The following MTM1 variants were observed in gnomAD, a reference collection of about 807,000 sequenced individuals.
MTM1 encodes the protein myotubularin 1, also known as myotubularin.
In MTM1, 9 loss-of-function variants were observed where a neutral mutation model predicts 52.1. The observed-to-expected ratio is 0.17, with a 90% CI of 0.10 to 0.30. The LOEUF (loss-of-function observed/expected upper bound fraction) is 0.30. Among genes scored for constraint, MTM1 ranks in the 10% least tolerant of loss-of-function variants. MTM1 has a pLI of 1.00. For synonymous variants in MTM1, 136 were observed against 163.8 expected (o/e 0.83, Z 1.29); for missense variants, 277 against 470.7 (o/e 0.59, Z 3.81).
intron 14 of MTM1, among the ~76,000 whole-genome samples, chrX:150,670,158 G>A (rs1423206360): frequency 8.9e-6 from 1 of 112,221 alleles, no homozygotes; most frequent in Non-Finnish European, 1.9e-5. Flanking sequence ...AAGATTCACT[G>A]AGCTGAACAT....
chrX:150,579,345 CGCCTGGCCCAA>C (rs1168642469), intron 1 of MTM1, among the ~76,000 whole-genome samples: 1 of 111,450 alleles, frequency 9.0e-6, no homozygotes, highest in African/African-American at 3.3e-5. Context: ...TGAGCCACCA[CGCCTGGCCCAA>C]GCATGCAATA....
chrX:150,650,808 G>C (rs781891106), intron 10 of MTM1, among the ~76,000 whole-genome samples: 40 of 111,542 alleles, frequency 3.6e-4, no homozygotes, highest in African/African-American at 1.3e-3. Context: ...AAAATATCCT[G>C]CTATTCCAAA....
intron 1 of MTM1, among the ~76,000 whole-genome samples, chrX:150,576,921 C>T (rs73620614): frequency 6.3e-5 from 7 of 111,899 alleles, no homozygotes; most frequent in African/African-American, 2.3e-4. Context: ...TTTCATTCAC[C>T]TGCGAGCTGT....
At chrX:150,608,828 TG>T (rs1557412903) in intron 4 of MTM1, among the ~76,000 whole-genome samples, 5,830 of 109,289 alleles carry the variant, frequency 0.053, 160 homozygotes, top group Non-Finnish European at 0.073. Context: ...ATGATGATGA[TG>T]ATTATTATTA....
rs1448251098 is a variant in MTM1, at chrX:150,657,998, T to C, written c.1231T>C (p.Trp411Arg). The change falls in exon 11 of 15, where the codon TGG becomes CGG. Residue 411 changes from tryptophan to arginine, a missense_variant. Trp to Arg is a moderately radical substitution (Grantham distance 101). This residue lies in a region of MTM1 where 59 missense variants were observed against 107.8 expected (regional missense o/e 0.55). Coordinates refer to ENST00000370396, the MANE Select transcript of MTM1 (RefSeq NM_000252.3). ...EGFEILVQKE[W>R]ISFGHKFASR... The stretch of plus-strand genomic sequence containing the variant: ...GTTCGAAATACTGGTACAAAAAGAA[T>C]GGATAAGTTTTGGACATAAATTTGC... 1 of 1,208,638 alleles carries C rather than the reference T, an allele frequency of 8.3e-7. No individual in the cohort carries two copies. The highest frequency in any genetic ancestry group is 1.1e-6 in the Non-Finnish European group (1 of 893,941).
intron 1 of MTM1, among the ~76,000 whole-genome samples, chrX:150,586,066 T>A (rs1557412241): frequency 8.9e-6 from 1 of 112,152 alleles, no homozygotes; most frequent in Non-Finnish European, 1.9e-5. Context: ...CTTTGCAACA[T>A]TTAAAGAAAT....
At chrX:150,572,026 C>T (rs1360950072) in intron 1 of MTM1, among the ~76,000 whole-genome samples, 1 of 112,133 alleles carries the variant, frequency 8.9e-6, no homozygotes, top group Non-Finnish European at 1.9e-5. Context: ...GTGGAGGCAT[C>T]TCTTTAGATA....
At chrX:150,577,480 A>G (rs1557411688) in intron 1 of MTM1, among the ~76,000 whole-genome samples, 1 of 112,654 alleles carries the variant, frequency 8.9e-6, no homozygotes, top group African/African-American at 3.2e-5. Flanking sequence ...GACTGGGTGT[A>G]TAATGGTATC....
intron 1 of MTM1, among the ~76,000 whole-genome samples, chrX:150,579,017 C>CTCTA (rs59889586): frequency 0.36 from 35,361 of 98,016 alleles, 5,830 homozygotes; most frequent in East Asian, 0.53. Flanking sequence ...ATCTATATAT[C>CTCTA]TCTATCTATC....
intron 6 of MTM1, among the ~76,000 whole-genome samples, chrX:150,633,924 A>T (rs1362011640): frequency 8.9e-6 from 1 of 112,007 alleles, no homozygotes; most frequent in Non-Finnish European, 1.9e-5. Context: ...AGTCCCAGCT[A>T]CTCTGGAGGC....
intron 4 of MTM1, among the ~76,000 whole-genome samples, chrX:150,613,279 G>T (rs1557413054): frequency 9.0e-6 from 1 of 111,560 alleles, no homozygotes; most frequent in Non-Finnish European, 1.9e-5. Context: ...GAAAAGTTTG[G>T]ATTAAAAATG....
At chrX:150,647,598 T>C (rs2039956841) in intron 9 of MTM1, among the ~76,000 whole-genome samples, 1 of 112,171 alleles carries the variant, frequency 8.9e-6, no homozygotes, top group African/African-American at 3.2e-5. Flanking sequence ...TCTTTTTTGT[T>C]GAAGAAAGGA....
chrX:150,652,594 TATATATATACATATATATATAC>T (rs1178281068), intron 10 of MTM1, among the ~76,000 whole-genome samples: 19 of 97,927 alleles, frequency 1.9e-4, no homozygotes, highest in Admixed American at 4.6e-4. Flanking sequence ...AGAAAAGTTA[TATATATATACATATATATATAC>T]ATATATATAC....
At chrX:150,641,097 T>TA (rs1236807435) in intron 7 of MTM1, among the ~76,000 whole-genome samples, 172 bp from the exon 8 acceptor site, 1 of 112,015 alleles carries the variant, frequency 8.9e-6, no homozygotes, top group East Asian at 2.8e-4. Flanking sequence ...CTTGTGTTCT[T>TA]ACGTTGTCTG....
At chrX:150,627,326 T>G (rs1223824280) in intron 6 of MTM1, among the ~76,000 whole-genome samples, 2 of 111,788 alleles carry the variant, frequency 1.8e-5, no homozygotes, top group African/African-American at 6.5e-5. Context: ...CAAGAGGATA[T>G]TTATAAAATA....
rs1557415209 is a variant in MTM1 at position 150,673,041 on chromosome X, C to T, written c.*1446C>T. ...AAAGTGTCACTCCATAAAAAGAAAG[C>T]TAATACTAATAGCCTAAAAGATTTT... On this transcript the variant is annotated 3_prime_UTR_variant, in exon 15 of 15. Coordinates refer to ENST00000370396, the MANE Select transcript of MTM1 (RefSeq NM_000252.3). The T allele has an allele frequency of 3.6e-5, 4 of 112,070 alleles. No homozygotes were observed. In the East Asian group the frequency reaches 1.1e-3, roughly 31 times the overall value. 9.2% of individuals were successfully genotyped at this position (112,070 alleles called of 1,213,427 possible). A position where few individuals can be genotyped will look rare whatever the true frequency, so the allele number is the denominator to read the frequency against.
At chrX:150,658,083 A>G in intron 11 of MTM1, 56 bp downstream of exon 11, 2 of 956,276 alleles carry the variant, frequency 2.1e-6, no homozygotes, top group Non-Finnish European at 3.0e-6. Context: ...GGATTTTAAA[A>G]CTAGTTGTTA....
chrX:150,578,970 C>T (rs1348766269), intron 1 of MTM1, among the ~76,000 whole-genome samples: 1 of 110,166 alleles, frequency 9.1e-6, no homozygotes, highest in Non-Finnish European at 1.9e-5. Context: ...GACATCATGA[C>T]AATTAGGAGT....
Position 150,671,811 on chromosome X carries a change from T to C in MTM1, c.*216T>C. On this transcript the variant is annotated 3_prime_UTR_variant, in exon 15 of 15. Coordinates refer to ENST00000370396, the MANE Select transcript of MTM1 (RefSeq NM_000252.3). Reference sequence around the variant, plus strand: ...GAAGAAAGGAGCTGAGATGAGGTTTTGGAAAACCCTGACACCTTTAAAAAG... The same window carrying C: ...GAAGAAAGGAGCTGAGATGAGGTTTCGGAAAACCCTGACACCTTTAAAAAG... The C allele has an allele frequency of 2.2e-6, 1 of 450,313 alleles. No homozygotes were observed. Among genetic ancestry groups the C allele is most frequent in the South Asian group, 3.5e-5 (1 of 28,278 alleles). The allele number at this position is 450,313 out of a possible 1,213,427, so 37.1% of individuals were successfully genotyped here. A position where few individuals can be genotyped will look rare whatever the true frequency, so the allele number is the denominator to read the frequency against.
Sources: gnomAD v4.1 joint callset for allele counts (sites outside exome capture counted in the v4.1 genomes callset) on GRCh38, gnomAD v4.1.1 for gene constraint, gnomAD v4.1.1 regional missense constraint, MANE v1.5 for transcripts, NCBI Gene and HGNC (gene_info 2026-07-23, HGNC 2026-07-21) for gene names.